Variants in STK24 observed in about 807,000 individuals in gnomAD.
STK24 encodes the protein serine/threonine-protein kinase 24.
Under a neutral mutation model 55.6 loss-of-function variants are expected in STK24, and 21 were observed. The ratio of observed to expected loss-of-function variants is 0.38; its 90% confidence interval spans 0.27 to 0.54. The LOEUF is 0.54. Among genes scored for constraint, STK24 ranks in the 20% least tolerant of loss-of-function variants. The pLI is 0.79. For missense variants in STK24, 383 were observed against 538.4 expected (o/e 0.71, Z 2.86); for synonymous variants, 200 against 215.2 (o/e 0.93, Z 0.62).
chr13:98,482,066 C>CAAA (rs34520150), intron 3 of STK24, among the ~76,000 whole-genome samples, 199 bp downstream of exon 3: 66 of 100,026 alleles, frequency 6.6e-4, no homozygotes, highest in African/African-American at 2.4e-3. Context: ...GACTCTATCT[C>CAAA]AAAAAAAAAA....
rs559787238 is a variant in STK24 at position 98,504,077 on chromosome 13, T to C, written c.273+15166A>G. Among the ~76,000 whole-genome samples, 241 of 152,322 alleles carry C rather than the reference T, an allele frequency of 1.6e-3. 2 individuals are homozygous for C. Among genetic ancestry groups the C allele is most frequent in the Non-Finnish European group, 1.4e-3 (96 of 68,022 alleles). ...AAAATCGACTTCTCCCAGCAGCCAT[T>C]CCTCAGCTTCCAAAGATATTTTTAC... On this transcript the variant is annotated intron_variant, in intron 2 of 10. Transcript: ENST00000539966.
rs138129188 is a variant in STK24, at chr13:98,476,240, G to GCCCC, written c.331-886_331-883dup. Among the ~76,000 whole-genome samples, 17 of 141,660 alleles carry GCCCC rather than the reference G, an allele frequency of 1.2e-4. 1 individual carries two copies. Among genetic ancestry groups the GCCCC allele is most frequent in the Admixed American group, 7.8e-4 (11 of 14,058 alleles). 92.9% of individuals were successfully genotyped at this position (141,660 alleles called of 152,430 possible). A position where few individuals can be genotyped will look rare whatever the true frequency, so the allele number is the denominator to read the frequency against. On this transcript the variant is annotated intron_variant, in intron 3 of 10. Coordinates refer to ENST00000539966, the MANE Select transcript of STK24 (RefSeq NM_001032296.4). ...AGGCTCACTTCAAACCAGACGGGAA[G>GCCCC]CCCCCCCCCGCCCCCTGCAGAGTGG...
In STK24 at chr13:98,535,352, AC is replaced by A. The variant is rs1566391721; in HGVS notation, c.43-15880del. ...AACTCTGTCTCAAACAAACAAACAA[AC>A]AAACAAACAAAAAAAAAATATATAT... On this transcript the variant is annotated intron_variant, in intron 1 of 10. Transcript: ENST00000539966. Among the ~76,000 whole-genome samples the A allele has an allele frequency of 1.7e-4, 8 of 46,648 alleles. No homozygotes were observed. In the East Asian group the frequency reaches 2.5e-3, roughly 15 times the overall value. The allele number at this position is 46,648 out of a possible 152,430, so 30.6% of individuals were successfully genotyped here.
chr13:98,531,140 G>A (rs1006013512), intron 1 of STK24, among the ~76,000 whole-genome samples: 2 of 152,150 alleles, frequency 1.3e-5, no homozygotes, highest in Non-Finnish European at 2.9e-5. Flanking sequence ...GTGCTGGAAG[G>A]AATAGTGAAC....
Position 98,461,846 on chromosome 13 carries a change from G to C in STK24, c.981C>G (p.Phe327Leu). The C allele has an allele frequency of 6.2e-7, 1 of 1,614,144 alleles. No individual in the cohort carries two copies. Among genetic ancestry groups the C allele is most frequent in the Non-Finnish European group, 8.5e-7 (1 of 1,179,992 alleles). The change falls in exon 8 of 11, where the codon TTC (phenylalanine) becomes TTG (leucine). Residue 327 changes from phenylalanine (F) to leucine (L), a missense_variant. Physicochemically the swap from Phe to Leu is conservative, Grantham distance 22. Transcript: ENST00000539966. ...SGGSDSGDWI[F>L]TIREKDPKNL... ...TCTTGGGATCTTTTTCTCGGATTGT[G>C]AAGATCCAGTCCCCAGAATCACTGC... is the stretch of plus-strand genomic sequence containing the variant.
chr13:98,523,791 T>C (rs1478951702), intron 1 of STK24, among the ~76,000 whole-genome samples: 3 of 152,230 alleles, frequency 2.0e-5, no homozygotes, highest in African/African-American at 4.8e-5. Flanking sequence ...TTTTGGCCAC[T>C]CGGTTTTGGT....
chr13:98,525,086 T>A (rs1896385627), intron 1 of STK24, among the ~76,000 whole-genome samples: 2 of 152,248 alleles, frequency 1.3e-5, no homozygotes, highest in South Asian at 4.1e-4. Flanking sequence ...TTGCACGGGT[T>A]CATTACCATA....
intron 3 of STK24, among the ~76,000 whole-genome samples, chr13:98,481,242 T>C (rs1314013968): frequency 6.6e-6 from 1 of 152,218 alleles, no homozygotes. Flanking sequence ...TCATGACATA[T>C]GCTGGTTATC....
chr13:98,548,913 T>C (rs1897096264), intron 1 of STK24, among the ~76,000 whole-genome samples: 1 of 146,066 alleles, frequency 6.8e-6, no homozygotes, highest in Admixed American at 6.8e-5. Context: ...ATCTACCATA[T>C]GACCTTCAAT....
At chr13:98,562,962 T>C (rs1368318560) in intron 1 of STK24, among the ~76,000 whole-genome samples, 2 of 116,868 alleles carry the variant, frequency 1.7e-5, no homozygotes, top group Non-Finnish European at 3.8e-5. Context: ...AAATAGAAAA[T>C]AACATATTTT....
At chr13:98,474,023 A>G (rs1187518949) in intron 5 of STK24, among the ~76,000 whole-genome samples, 1 of 152,198 alleles carries the variant, frequency 6.6e-6, no homozygotes, top group Non-Finnish European at 1.5e-5. Context: ...AGGAAAGCCA[A>G]TTCTCCGTGG....
intron 1 of STK24, among the ~76,000 whole-genome samples, chr13:98,568,709 A>T (rs1458931324): frequency 1.3e-5 from 2 of 152,014 alleles, no homozygotes; most frequent in Non-Finnish European, 2.9e-5. Flanking sequence ...TCTACTAAAA[A>T]ATACAAAAAT....
At chr13:98,478,824 TCAGCTAAAA>T (rs1894480280) in intron 3 of STK24, among the ~76,000 whole-genome samples, 1 of 152,210 alleles carries the variant, frequency 6.6e-6, no homozygotes, top group Admixed American at 6.5e-5. Context: ...GATCTTTTAA[TCAGCTAAAA>T]CCTTCTGGTC....
intron 2 of STK24, among the ~76,000 whole-genome samples, chr13:98,509,496 A>C (rs554034138): frequency 6.6e-6 from 1 of 152,244 alleles, no homozygotes; most frequent in East Asian, 1.9e-4. Flanking sequence ...AAAAACAAAA[A>C]AAAAAACCAG....
chr13:98,475,073 CACCGAGCACA>C, intron 4 of STK24, 95 bp from the exon 5 acceptor site: 1 of 1,484,538 alleles, frequency 6.7e-7, no homozygotes, highest in Non-Finnish European at 9.0e-7. Context: ...GTGGCGAACC[CACCGAGCACA>C]GGCACCGGGG....
chr13:98,459,654 G>A (rs1002674989), intron 9 of STK24, among the ~76,000 whole-genome samples: 2 of 152,232 alleles, frequency 1.3e-5, no homozygotes, highest in Non-Finnish European at 2.9e-5. Flanking sequence ...AAACACAGCC[G>A]CAGTGGAAAA....
chr13:98,484,772 A>C (rs538705648), intron 2 of STK24, among the ~76,000 whole-genome samples: 1 of 151,970 alleles, frequency 6.6e-6, no homozygotes, highest in South Asian at 2.1e-4. Context: ...ACGTGCAAGC[A>C]ACAACAGAAC....
intron 9 of STK24, among the ~76,000 whole-genome samples, chr13:98,458,613 A>C (rs910840296): frequency 6.6e-6 from 1 of 152,186 alleles, no homozygotes; most frequent in African/African-American, 2.4e-5. Flanking sequence ...CAGTATTTAC[A>C]AGTCCCGAGA....
rs754085704 is a variant in STK24, at chr13:98,453,021, G to C, written c.*152C>G. On this transcript the variant is annotated 3_prime_UTR_variant, in exon 11 of 11. Coordinates refer to ENST00000539966, the MANE Select transcript of STK24 (RefSeq NM_001032296.4). Reference sequence around the variant, plus strand: ...ATCTGGCTGCAGCACAGTGAAGACTGTGTGTGTCCCTGGACGGGCGCCTGG... The same window carrying C: ...ATCTGGCTGCAGCACAGTGAAGACTCTGTGTGTCCCTGGACGGGCGCCTGG... 128 of 737,632 alleles carry C rather than the reference G, an allele frequency of 1.7e-4. No individual in the cohort carries two copies. Among genetic ancestry groups the C allele is most frequent in the Non-Finnish European group, 2.6e-4 (118 of 447,664 alleles). 45.7% of individuals were successfully genotyped at this position (737,632 alleles called of 1,614,324 possible). A position where few individuals can be genotyped will look rare whatever the true frequency, so the allele number is the denominator to read the frequency against.
Sources: gnomAD v4.1 joint callset for allele counts (sites outside exome capture counted in the v4.1 genomes callset) on GRCh38, gnomAD v4.1.1 for gene constraint, MANE v1.5 for transcripts, NCBI Gene and HGNC (gene_info 2026-07-23, HGNC 2026-07-21) for gene names.